The following RANBP3 variants were observed in gnomAD, a reference collection of about 807,000 sequenced individuals.
The protein encoded by RANBP3 is ran-binding protein 3.
A neutral mutation model predicts 77.3 loss-of-function variants in RANBP3; 14 were observed. The observed-to-expected ratio is 0.18, with a 90% CI of 0.12 to 0.28. RANBP3 has a LOEUF of 0.28. RANBP3 is among the 10% of genes least tolerant of loss of function. The pLI, the probability that RANBP3 is intolerant of heterozygous loss-of-function variation, is 1.00. For synonymous variants in RANBP3, 315 were observed against 312.4 expected (o/e 1.01, Z -0.09); for missense variants, 586 against 752.3 (o/e 0.78, Z 2.59).
At chr19:5,972,728 C>T (rs1422375913) in intron 1 of RANBP3, among the ~76,000 whole-genome samples, 2 of 152,234 alleles carry the variant, frequency 1.3e-5, no homozygotes, top group South Asian at 4.1e-4. Flanking sequence ...TCTGAACTCA[C>T]GTAGGAGGGC....
intron 1 of RANBP3, among the ~76,000 whole-genome samples, chr19:5,964,358 G>C (rs1599791109): frequency 6.6e-6 from 1 of 152,262 alleles, no homozygotes; most frequent in East Asian, 1.9e-4. Context: ...ATGGCTGTCA[G>C]GGTGCTCTGT....
At chr19:5,971,011 C>G (rs977336285) in intron 1 of RANBP3, among the ~76,000 whole-genome samples, 1 of 152,176 alleles carries the variant, frequency 6.6e-6, no homozygotes. Flanking sequence ...GAGAAACCCA[C>G]ACTGTACACT....
intron 3 of RANBP3, among the ~76,000 whole-genome samples, chr19:5,948,111 C>T (rs2058230334): frequency 6.6e-6 from 1 of 152,162 alleles, no homozygotes; most frequent in Non-Finnish European, 1.5e-5. Flanking sequence ...GCACTGTTTA[C>T]CTGGTCCCCT....
Position 5,917,424 on chromosome 19 carries a change from C to T in RANBP3, c.*186G>A, listed in dbSNP as rs1568441341. The T allele has an allele frequency of 3.3e-6, 2 of 603,474 alleles. No homozygotes were observed. The highest frequency in any genetic ancestry group is 2.9e-6 in the Non-Finnish European group (1 of 350,594). 37.4% of individuals were successfully genotyped at this position (603,474 alleles called of 1,614,324 possible). A position where few individuals can be genotyped will look rare whatever the true frequency, so the allele number is the denominator to read the frequency against. ...ATCAATATGATGAGGTCTCGTGTCCCAAACCACATTCAGGCAGTTCCCGAG... is the reference window on the plus strand; with the variant it reads ...ATCAATATGATGAGGTCTCGTGTCCTAAACCACATTCAGGCAGTTCCCGAG... On this transcript the variant is annotated 3_prime_UTR_variant, in exon 17 of 17. Transcript: ENST00000340578.
At chr19:5,936,397 C>T (rs1393215601) in intron 5 of RANBP3, among the ~76,000 whole-genome samples, 1 of 151,378 alleles carries the variant, frequency 6.6e-6, no homozygotes, top group East Asian at 2.0e-4. Context: ...AAGGTGTGTC[C>T]CCAGCTCTGT....
rs1192619958 is a variant in RANBP3, at chr19:5,958,455, G to T, written c.23-482C>A. Among the ~76,000 whole-genome samples, 1 of 152,250 alleles carries T rather than the reference G, an allele frequency of 6.6e-6. No homozygotes were observed. The highest frequency in any genetic ancestry group is 2.4e-5 in the African/African-American group (1 of 41,470). On this transcript the variant is annotated intron_variant, in intron 1 of 16. Transcript: ENST00000340578. The surrounding 1 kb of genome is among the most constrained non-coding windows in gnomAD (Gnocchi z 4.4). ...TAGAAGAATCCTAACGCTCAACCTGGATCTCTAAGTGAGTGCTGGTTGGGA... is the reference window on the plus strand; with the variant it reads ...TAGAAGAATCCTAACGCTCAACCTGTATCTCTAAGTGAGTGCTGGTTGGGA...
intron 1 of RANBP3, chr19:5,962,852 A>C (rs1599788527): frequency 4.7e-6 from 2 of 425,958 alleles, no homozygotes; most frequent in Admixed American, 4.9e-5. Flanking sequence ...GCCCCCGACC[A>C]CCAGACACAC....
intron 3 of RANBP3, among the ~76,000 whole-genome samples, chr19:5,949,629 C>G (rs564296375): frequency 2.0e-5 from 3 of 152,250 alleles, no homozygotes; most frequent in Non-Finnish European, 2.9e-5. Context: ...ACGGTGCCCA[C>G]AAGCTCATCC....
At chr19:5,947,993 ACTGT>A (rs1360234763) in intron 3 of RANBP3, among the ~76,000 whole-genome samples, 1 of 152,202 alleles carries the variant, frequency 6.6e-6, no homozygotes, top group Admixed American at 6.5e-5. Context: ...GTCTTGTCAG[ACTGT>A]CTGGTGTGTC....
At chr19:5,925,158 C>T in intron 10 of RANBP3, 2 of 542,472 alleles carry the variant, frequency 3.7e-6, no homozygotes, top group Non-Finnish European at 3.3e-6. Context: ...TCTACCCGCC[C>T]ATCTCCCAGT....
intron 9 of RANBP3, 35 bp from the exon 10 acceptor site, chr19:5,925,772 TG>T (rs756115756): frequency 7.0e-5 from 84 of 1,202,864 alleles, no homozygotes; most frequent in Non-Finnish European, 4.9e-5. Context: ...TAATCGGGGG[TG>T]GGGGGGTGCC....
intron 15 of RANBP3, 47 bp from the exon 16 acceptor site, chr19:5,918,027 C>A (rs556751462): frequency 2.2e-5 from 33 of 1,522,522 alleles, no homozygotes; most frequent in Non-Finnish European, 2.9e-5. Context: ...AGTCCTACCC[C>A]CTCCTGCCTT....
At chr19:5,960,291 C>T (rs766950242) in intron 1 of RANBP3, among the ~76,000 whole-genome samples, 9 of 152,312 alleles carry the variant, frequency 5.9e-5, no homozygotes, top group South Asian at 4.1e-4. Flanking sequence ...TGCCCCTTGT[C>T]GCTAACAGAC....
intron 3 of RANBP3, among the ~76,000 whole-genome samples, chr19:5,944,939 G>GA (rs2058185138): frequency 6.6e-6 from 1 of 152,170 alleles, no homozygotes; most frequent in African/African-American, 2.4e-5. Flanking sequence ...ATGACTTCTG[G>GA]GACCAGGAGA....
chr19:5,939,903 C>T (rs920237483), intron 5 of RANBP3, among the ~76,000 whole-genome samples: 14 of 152,246 alleles, frequency 9.2e-5, no homozygotes, highest in African/African-American at 2.9e-4. Flanking sequence ...TCAGATGCTC[C>T]AGGCCACATT....
chr19:5,925,866 T>G, intron 9 of RANBP3, 129 bp from the exon 10 acceptor site: 8 of 676,858 alleles, frequency 1.2e-5, no homozygotes, highest in Admixed American at 2.2e-5. Flanking sequence ...TGTACCCGCC[T>G]GTGTGTGTGC....
chr19:5,926,184 G>A (rs1321660464), intron 9 of RANBP3, among the ~76,000 whole-genome samples: 2 of 152,078 alleles, frequency 1.3e-5, no homozygotes, highest in South Asian at 4.1e-4. Flanking sequence ...TAATCCTCAC[G>A]AGGCCTGGGA....
At chr19:5,918,944 T>C (rs2057781682) in intron 14 of RANBP3, among the ~76,000 whole-genome samples, 1 of 152,200 alleles carries the variant, frequency 6.6e-6, no homozygotes, top group African/African-American at 2.4e-5. Context: ...TTGTGTTTGG[T>C]CCACACAGGT....
At chr19:5,966,819 T>C (rs1319215134) in intron 1 of RANBP3, among the ~76,000 whole-genome samples, 2 of 152,228 alleles carry the variant, frequency 1.3e-5, no homozygotes, top group African/African-American at 4.8e-5. Context: ...AATTGAGAAC[T>C]CCTGACCAAA....
Sources: gnomAD v4.1 joint callset for allele counts (sites outside exome capture counted in the v4.1 genomes callset) on GRCh38, gnomAD v4.1.1 for gene constraint, Gnocchi (gnomAD v3.1) non-coding constraint, MANE v1.5 for transcripts, NCBI Gene and HGNC (gene_info 2026-07-23, HGNC 2026-07-21) for gene names.